NYAP2: variants seen among roughly 807,000 people sequenced by gnomAD.
NYAP2 encodes neuronal tyrosine-phosphorylated phosphoinositide-3-kinase adapter 2.
A neutral mutation model predicts 50.4 loss-of-function variants in NYAP2; 23 were observed. That is an observed-to-expected ratio of 0.46 (90% CI 0.33 to 0.65). The LOEUF (loss-of-function observed/expected upper bound fraction) is 0.65, where lower values mean the gene tolerates loss of function less well. Among genes scored for constraint, NYAP2 ranks in the 30% least tolerant of loss-of-function variants. The probability of loss-of-function intolerance (pLI) is 0.02; values close to 1 mark genes in which losing one functional copy is unlikely to be tolerated. For missense variants in NYAP2, 885 were observed against 861.0 expected, an observed-to-expected ratio of 1.03 and a Z score of -0.35; for synonymous variants, 394 against 365.2, an observed-to-expected ratio of 1.08 and a Z score of -0.90.
intron 4 of NYAP2, among the ~76,000 whole-genome samples, chr2:225,519,545 G>A (rs1481373889): frequency 1.3e-5 from 2 of 151,306 alleles, no homozygotes; most frequent in Non-Finnish European, 2.9e-5. Flanking sequence ...TCTTGCGATA[G>A]TTTACTGAGA....
chr2:225,581,966 C>G (rs180750663), exon 5 of NYAP2: 1 of 1,609,008 alleles, frequency 6.2e-7, no homozygotes, highest in South Asian at 1.1e-5. Context: ...GACCCCACAG[C>G]GATGAATATT....
At chr2:225,557,466 C>A (rs1428125733) in intron 4 of NYAP2, among the ~76,000 whole-genome samples, 1 of 151,916 alleles carries the variant, frequency 6.6e-6, no homozygotes, top group African/African-American at 2.4e-5. Flanking sequence ...CCAGGACTAC[C>A]AAGCAAGAAT....
intron 4 of NYAP2, among the ~76,000 whole-genome samples, chr2:225,579,278 C>G (rs1692227698): frequency 1.3e-5 from 2 of 152,056 alleles, no homozygotes; most frequent in African/African-American, 4.8e-5. Flanking sequence ...GAATGGGGAC[C>G]CAATTCAGTC....
intron 5 of NYAP2, among the ~76,000 whole-genome samples, chr2:225,622,379 G>A (rs1693119669): frequency 6.6e-6 from 1 of 152,016 alleles, no homozygotes; most frequent in Non-Finnish European, 1.5e-5. Flanking sequence ...GCAGAGCACT[G>A]ATTACCATCC....
chr2:225,479,517 A>T (rs958853255), intron 3 of NYAP2, among the ~76,000 whole-genome samples: 1 of 152,178 alleles, frequency 6.6e-6, no homozygotes, highest in Non-Finnish European at 1.5e-5. Flanking sequence ...GTCCTTTAAT[A>T]AAAGAGTATG....
chr2:225,598,199 A>G (rs766659613), intron 5 of NYAP2, among the ~76,000 whole-genome samples: 4 of 152,212 alleles, frequency 2.6e-5, no homozygotes, highest in Non-Finnish European at 5.9e-5. Flanking sequence ...TCTTTATTGT[A>G]CAAAGGGCTG....
intron 6 of NYAP2, among the ~76,000 whole-genome samples, chr2:225,639,170 AT>A (rs1693481005): frequency 6.6e-6 from 1 of 152,220 alleles, no homozygotes; most frequent in Non-Finnish European, 1.5e-5. Context: ...GGAGAAAAAA[AT>A]AATACAGTTT....
At chr2:225,530,868 A>T (rs1691242378) in intron 4 of NYAP2, among the ~76,000 whole-genome samples, 1 of 152,130 alleles carries the variant, frequency 6.6e-6, no homozygotes, top group South Asian at 2.1e-4. Flanking sequence ...CTCATCAGTG[A>T]TCAAGTCCAG....
At chr2:225,516,252 G>A (rs1690933041) in intron 4 of NYAP2, among the ~76,000 whole-genome samples, 2 of 152,104 alleles carry the variant, frequency 1.3e-5, no homozygotes, top group African/African-American at 4.8e-5. Context: ...TAAGGATAGT[G>A]GGCTCCCAAT....
At position 225,649,602 on chromosome 2, in the gene NYAP2, T is replaced by C. The variant is rs978653436; in HGVS notation, c.1829-1830T>C. On this transcript the variant is annotated intron_variant, in intron 6 of 6. Coordinates refer to ENST00000636099, the Ensembl canonical transcript of NYAP2. ...AATATGGAGTCTCCAACTCCTGGGC[T>C]CAAGTGATCCACCCGCATCAGCCCC... is the stretch of plus-strand genomic sequence containing the variant. Among the ~76,000 whole-genome samples, 17 of 152,336 alleles carry C rather than the reference T, an allele frequency of 1.1e-4. No individual in the cohort carries two copies. The South Asian group carries it at 1.7e-3, about 15-fold the overall frequency.
At chr2:225,633,981 G>A (rs1693366832) in intron 6 of NYAP2, among the ~76,000 whole-genome samples, 1 of 152,192 alleles carries the variant, frequency 6.6e-6, no homozygotes, top group Admixed American at 6.5e-5. Flanking sequence ...CTTTCTACTG[G>A]AAGCAGTAGG....
intron 5 of NYAP2, among the ~76,000 whole-genome samples, chr2:225,599,309 G>GA (rs1210687531): frequency 3.3e-5 from 5 of 152,090 alleles, no homozygotes; most frequent in Non-Finnish European, 7.4e-5. Context: ...TATATTCCAT[G>GA]AAAAAAATTA....
At chr2:225,447,258 C>A (rs539363421) in intron 3 of NYAP2, among the ~76,000 whole-genome samples, 38 of 152,248 alleles carry the variant, frequency 2.5e-4, no homozygotes, top group African/African-American at 8.4e-4. Flanking sequence ...AGATTAGACC[C>A]CATTGTTCTT....
intron 6 of NYAP2, among the ~76,000 whole-genome samples, chr2:225,635,806 T>C (rs1693404380): frequency 6.6e-6 from 1 of 152,176 alleles, no homozygotes; most frequent in Non-Finnish European, 1.5e-5. Flanking sequence ...TACACAGTTA[T>C]CAAATAAGTA....
At chr2:225,503,971 G>A (rs774278955) in intron 3 of NYAP2, among the ~76,000 whole-genome samples, 1 of 152,066 alleles carries the variant, frequency 6.6e-6, no homozygotes, top group Non-Finnish European at 1.5e-5. Flanking sequence ...GATATGATTA[G>A]AGTATGTTTT....
downstream of NYAP2, among the ~76,000 whole-genome samples, chr2:225,655,811 T>G (rs907342829): frequency 1.3e-5 from 2 of 151,396 alleles, no homozygotes; most frequent in African/African-American, 4.9e-5. Flanking sequence ...GCAGCTTTCC[T>G]TGGAAAAATG....
intron 4 of NYAP2, among the ~76,000 whole-genome samples, chr2:225,554,620 C>T (rs961055478): frequency 1.3e-5 from 2 of 151,912 alleles, no homozygotes; most frequent in African/African-American, 4.8e-5. Flanking sequence ...CTATGCCCAG[C>T]CTACATTTAT....
chr2:225,592,768 C>G (rs1692530975), intron 5 of NYAP2, among the ~76,000 whole-genome samples: 1 of 152,100 alleles, frequency 6.6e-6, no homozygotes, highest in Non-Finnish European at 1.5e-5. Flanking sequence ...CGCAGCTGTC[C>G]TTGATTGATG....
intron 5 of NYAP2, among the ~76,000 whole-genome samples, chr2:225,612,749 C>G (rs910832172): frequency 1.9e-5 from 1 of 53,976 alleles, no homozygotes; most frequent in African/African-American, 4.7e-5. Flanking sequence ...AGGCCCCCCC[C>G]TTACAATCTC....
Sources: gnomAD v4.1 joint callset for allele counts (sites outside exome capture counted in the v4.1 genomes callset) on GRCh38, gnomAD v4.1.1 for gene constraint, MANE v1.5 for transcripts, NCBI Gene and HGNC (gene_info 2026-07-23, HGNC 2026-07-21) for gene names.